The following KIF19 variants were observed in gnomAD, a reference collection of about 807,000 sequenced individuals.
The protein encoded by KIF19 is kinesin-like protein KIF19.
KIF19 carries 98 observed loss-of-function variants against 106.6 expected under a neutral mutation model. The ratio of observed to expected loss-of-function variants is 0.92; its 90% CI spans 0.78 to 1.09. The LOEUF (loss-of-function observed/expected upper bound fraction) is 1.09. KIF19 is among the 50% of genes least tolerant of loss of function. KIF19 has a pLI of 0.00. For synonymous variants in KIF19, 516 were observed against 584.2 expected, an observed-to-expected ratio of 0.88 and a Z score of 1.68; for missense variants, 1,373 against 1,414.3, an observed-to-expected ratio of 0.97 and a Z score of 0.47.
chr17:74,348,168 G>A (rs548473004), intron 9 of KIF19, among the ~76,000 whole-genome samples: 3 of 152,140 alleles, frequency 2.0e-5, no homozygotes, highest in Middle Eastern at 3.4e-3. Flanking sequence ...TCCCTTCCTC[G>A]TCTTCAGATG....
At chr17:74,328,698 G>A (rs772948461) in intron 2 of KIF19, 193 bp downstream of exon 2, 3 of 547,116 alleles carry the variant, frequency 5.5e-6, no homozygotes, top group South Asian at 2.1e-5. Context: ...TTCCTAGATT[G>A]ATCCAAGGAC....
In KIF19 at chr17:74,347,873, G is replaced by A. The variant is rs762686580; in HGVS notation, c.1021G>A (p.Gly341Ser). 25 of 1,583,844 alleles carry A rather than the reference G, an allele frequency of 1.6e-5. No individual in the cohort carries two copies. In the East Asian group the frequency reaches 1.9e-4, roughly 12 times the overall value. Residue 341 changes from glycine to serine, a missense_variant, in exon 9 of 20, where the codon GGC becomes AGC. Gly to Ser is a moderately conservative substitution (Grantham distance 56). Transcript: ENST00000389916. Reference protein sequence around the residue: ...EESRNTLTYAGRAKNIKTRVK... With the variant: ...EESRNTLTYASRAKNIKTRVK... Reference sequence around the variant, plus strand: ...GTCCCGGAACACCCTGACCTACGCCGGCCGGGCCAAGAACATTAAGACTAG... The same window carrying A: ...GTCCCGGAACACCCTGACCTACGCCAGCCGGGCCAAGAACATTAAGACTAG...
At position 74,342,946 on chromosome 17, in the gene KIF19, C is replaced by T. The variant is rs141818925; in HGVS notation, c.320-78C>T. The T allele has an allele frequency of 4.2e-4, 627 of 1,480,876 alleles. 3 individuals carry two copies. In the African/African-American group the frequency reaches 7.6e-3, roughly 18 times the overall value. The allele number at this position is 1,480,876 out of a possible 1,614,324, so 91.7% of individuals were successfully genotyped here. A position where few individuals can be genotyped will look rare whatever the true frequency, so the allele number is the denominator to read the frequency against. Reference sequence around the variant, plus strand: ...AGGGCCCAGCCTTGAGGACAAACCCCGGTTTCCAGGAGTGCCTGCCCAGCA... The same window carrying T: ...AGGGCCCAGCCTTGAGGACAAACCCTGGTTTCCAGGAGTGCCTGCCCAGCA... On this transcript the variant is annotated intron_variant, in intron 4 of 19. Coordinates refer to ENST00000389916, the MANE Select transcript of KIF19 (RefSeq NM_153209.4).
intron 2 of KIF19, chr17:74,329,378 G>A (rs1480701958): frequency 2.6e-5 from 4 of 151,520 alleles, no homozygotes; most frequent in African/African-American, 9.7e-5. Context: ...AACCCAGGAA[G>A]TGGAGGTTGC....
chr17:74,346,294 G>A lies in KIF19; in HGVS notation c.778-84G>A. The A allele has an allele frequency of 7.0e-7, 1 of 1,430,150 alleles. No individual in the cohort carries two copies. Among genetic ancestry groups the A allele is most frequent in the South Asian group, 1.3e-5 (1 of 76,112 alleles). 88.6% of individuals were successfully genotyped at this position (1,430,150 alleles called of 1,614,324 possible). On this transcript the variant is annotated intron_variant, in intron 7 of 19. Transcript: ENST00000389916. This position sits in a 1 kb window ranked among gnomAD's most constrained non-coding sequence, Gnocchi z 4.6. The stretch of plus-strand genomic sequence containing the variant: ...GGGGGTTTATTACCCAGGATCACCA[G>A]GTCATTCATTGGTGGGGTGGCTGGG...
intron 2 of KIF19, 63 bp downstream of exon 2, chr17:74,328,568 T>C (rs182784609): frequency 1.4e-6 from 2 of 1,416,408 alleles, no homozygotes. Context: ...TCAGCTCACC[T>C]GGTGAGGGCA....
chr17:74,342,600 C>T, intron 3 of KIF19, 30 bp from the exon 4 acceptor site: 1 of 1,584,108 alleles, frequency 6.3e-7, no homozygotes, highest in Admixed American at 1.7e-5. Flanking sequence ...CGCCTGTGTC[C>T]CGGCCCCTGA....
At chr17:74,327,143 T>G (rs868075833) in intron 1 of KIF19, among the ~76,000 whole-genome samples, 2 of 152,154 alleles carry the variant, frequency 1.3e-5, no homozygotes, top group African/African-American at 2.4e-5. Flanking sequence ...CCCCTAATTT[T>G]TGAGGTCTGG....
intron 4 of KIF19, 47 bp from the exon 5 acceptor site, chr17:74,342,977 T>TCCCAAC: frequency 1.3e-6 from 2 of 1,527,892 alleles, no homozygotes; most frequent in Non-Finnish European, 1.8e-6. Context: ...CAGCAAGGCC[T>TCCCAAC]CCCTCCCAGC....
chr17:74,349,747 A>G (rs1287630582), intron 10 of KIF19, among the ~76,000 whole-genome samples: 1 of 152,138 alleles, frequency 6.6e-6, no homozygotes, highest in Admixed American at 6.5e-5. Context: ...ACAGACAGTA[A>G]AGCTTTTTTT....
intron 2 of KIF19, among the ~76,000 whole-genome samples, chr17:74,337,928 G>T (rs956348633): frequency 6.6e-6 from 1 of 152,254 alleles, no homozygotes; most frequent in African/African-American, 2.4e-5. Flanking sequence ...TGCTCTCGAG[G>T]GTGGGGCGGG....
rs1030582149 is a variant in KIF19, at chr17:74,346,558, C to T, written c.924+34C>T. ...CACAGCTGGGCCTGGGCACTGGGCA[C>T]CAAGGGTGAGGCTGCCAGATTAAAC... is the stretch of plus-strand genomic sequence containing the variant. On this transcript the variant is annotated intron_variant, in intron 8 of 19. Transcript: ENST00000389916. This position sits in a 1 kb window ranked among gnomAD's most constrained non-coding sequence, Gnocchi z 4.6. The T allele has an allele frequency of 6.5e-7, 1 of 1,540,644 alleles. No homozygotes were observed. The highest frequency in any genetic ancestry group is 2.0e-5 in the Admixed American group (1 of 50,660).
At chr17:74,354,688 TCTCTGTCCCCAG>T in intron 18 of KIF19, 82 bp from the exon 19 acceptor site, 3 of 1,521,884 alleles carry the variant, frequency 2.0e-6, no homozygotes, top group Non-Finnish European at 2.7e-6. Flanking sequence ...CCCTCCACAG[TCTCTGTCCCCAG>T]CCTAGCATAG....
chr17:74,353,515 G>T lies in KIF19; in HGVS notation c.2242G>T (p.Gly748Cys), dbSNP rs758154461. 22 of 1,613,754 alleles carry T rather than the reference G, an allele frequency of 1.4e-5. No homozygotes were observed. The South Asian group carries it at 2.3e-4, about 17-fold the overall frequency. Residue 748 changes from glycine to cysteine, a missense_variant, in exon 17 of 20, where the codon GGC (glycine) becomes TGC (cysteine). Physicochemically the swap from Gly to Cys is radical, Grantham distance 159. Coordinates refer to ENST00000389916, the MANE Select transcript of KIF19 (RefSeq NM_153209.4). The part of the protein sequence containing the change: ...TQEAPAQDSL[G>C]SWINSSPDSS... Reference sequence around the variant, plus strand: ...ACAGGCCCCGGCTCAGGACAGCCTGGGCAGCTGGATCAACTCTTCCCCTGA... The same window carrying T: ...ACAGGCCCCGGCTCAGGACAGCCTGTGCAGCTGGATCAACTCTTCCCCTGA...
rs767532759 is a variant in KIF19, at chr17:74,354,346, G to A, written c.2493G>A (p.Arg831=). 1.2e-6 allele frequency: 2 copies of A among 1,605,590 alleles called. No individual in the cohort carries two copies. The highest frequency in any genetic ancestry group is 1.7e-6 in the Non-Finnish European group (2 of 1,176,686). ...CACCAGGCCCACTGGCCTGCAAGCG[G>A]CCGCCCAGCCCCACACTACAGCATG... is the stretch of plus-strand genomic sequence containing the variant. ...ARPPGPLACK[R]PPSPTLQHAA... Residue 831 remains arginine, a synonymous_variant, in exon 18 of 20, where the codon CGG becomes CGA. Coordinates refer to ENST00000389916, the MANE Select transcript of KIF19 (RefSeq NM_153209.4).
intron 2 of KIF19, among the ~76,000 whole-genome samples, chr17:74,341,463 GCCC>G (rs1179717144): frequency 1.3e-5 from 2 of 152,322 alleles, no homozygotes; most frequent in South Asian, 4.1e-4. Flanking sequence ...TGAGGGGCAG[GCCC>G]CCAGGGTCTG....
In KIF19 at chr17:74,352,871, T is replaced by G; in HGVS notation, c.2031T>G (p.Asp677Glu). The change falls in exon 15 of 20, where the codon GAT becomes GAG. Residue 677 changes from aspartate to glutamate, a missense_variant. By Grantham distance (45) the Asp-to-Glu change is conservative (BLOSUM62 2). Around this residue, in one of 3 missense-constraint regions of KIF19, gnomAD observed 1,020 missense variants for 1,008.2 expected, o/e 1.01. Transcript: ENST00000389916. ...ITPAGTSLTP[D>E]SDLESVKTLS... Reference sequence around the variant, plus strand: ...CAGCAGGAACCTCACTGACCCCAGATTCTGACCTGGAGAGTGTGAAGACAT... The same window carrying G: ...CAGCAGGAACCTCACTGACCCCAGAGTCTGACCTGGAGAGTGTGAAGACAT... 1.2e-6 allele frequency: 2 copies of G among 1,613,958 alleles called. No individual in the cohort carries two copies. Among genetic ancestry groups the G allele is most frequent in the Non-Finnish European group, 8.5e-7 (1 of 1,179,876 alleles).
chr17:74,338,147 GC>G (rs1339837095), intron 2 of KIF19, among the ~76,000 whole-genome samples: 1 of 152,192 alleles, frequency 6.6e-6, no homozygotes, highest in Non-Finnish European at 1.5e-5. Context: ...AGCACTGAAG[GC>G]CCCCCTCCCA....
chr17:74,332,528 A>C (rs2054123707), intron 2 of KIF19, among the ~76,000 whole-genome samples: 1 of 152,036 alleles, frequency 6.6e-6, no homozygotes, highest in Non-Finnish European at 1.5e-5. Context: ...GTTTGTCTGC[A>C]GGAGTTAAGT....
Sources: allele counts gnomAD v4.1 joint callset (sites outside exome capture counted in the v4.1 genomes callset), GRCh38; gene constraint gnomAD v4.1.1; regional missense constraint gnomAD v4.1.1; non-coding constraint Gnocchi (gnomAD v3.1); transcripts MANE v1.5; gene names NCBI Gene and HGNC (gene_info 2026-07-23, HGNC 2026-07-21).